PSMD10: variants seen among roughly 807,000 people sequenced by gnomAD.
The protein encoded by PSMD10 is 26S proteasome non-ATPase regulatory subunit 10.
In PSMD10, 2 loss-of-function variants were observed where a neutral mutation model predicts 13.2. The observed-to-expected ratio is 0.15, with a 90% CI of 0.06 to 0.48. The LOEUF is 0.48. Among genes scored for constraint, PSMD10 ranks in the 20% least tolerant of loss-of-function variants. The pLI is 0.97. For missense variants in PSMD10, 120 were observed against 167.4 expected, an observed-to-expected ratio of 0.72 and a Z score of 1.56; for synonymous variants, 66 against 64.4, an observed-to-expected ratio of 1.03 and a Z score of -0.12.
chrX:108,091,259 C>T lies in PSMD10; in HGVS notation c.114+148G>A, dbSNP rs765513702. 2.0e-5 allele frequency: 10 copies of T among 506,850 alleles called. No individual in the cohort carries two copies. The South Asian group carries it at 3.0e-4, about 15-fold the overall frequency. The allele number at this position is 506,850 out of a possible 1,213,427, so 41.8% of individuals were successfully genotyped here. A position where few individuals can be genotyped will look rare whatever the true frequency, so the allele number is the denominator to read the frequency against. On this transcript the variant is annotated intron_variant, in intron 1 of 4. Coordinates refer to ENST00000217958, the MANE Select transcript of PSMD10 (RefSeq NM_002814.4). Reference sequence around the variant, plus strand: ...TAGCTCCCGCAGGCCTATCGCGAGTCCCGAGGTGACCCAGGGGGACTGCTT... The same window carrying T: ...TAGCTCCCGCAGGCCTATCGCGAGTTCCGAGGTGACCCAGGGGGACTGCTT...
intron 1 of PSMD10, among the ~76,000 whole-genome samples, chrX:108,090,031 T>TA (rs1386381103): frequency 8.9e-6 from 1 of 112,008 alleles, no homozygotes; most frequent in African/African-American, 3.2e-5. Flanking sequence ...GCCTACTGCT[T>TA]AGATTTAACA....
At chrX:108,085,272 G>A in intron 4 of PSMD10, 145 bp from the exon 5 acceptor site, 1 of 569,692 alleles carries the variant, frequency 1.8e-6, no homozygotes, top group Non-Finnish European at 2.6e-6. Flanking sequence ...ACATCAGTTT[G>A]CATAGGGAGA....
chrX:108,088,679 G>C, intron 2 of PSMD10, 73 bp downstream of exon 2: 1 of 842,881 alleles, frequency 1.2e-6, no homozygotes, highest in Non-Finnish European at 1.7e-6. Context: ...TAATGCACAG[G>C]CTTCAGTAAA....
At chrX:108,089,769 G>A (rs928080764) in intron 1 of PSMD10, among the ~76,000 whole-genome samples, 6 of 111,167 alleles carry the variant, frequency 5.4e-5, no homozygotes, top group Non-Finnish European at 1.1e-4. Context: ...GGAGGCAGAG[G>A]TTGCAGTGAG....
At chrX:108,089,297 C>T (rs1408679462) in intron 1 of PSMD10, among the ~76,000 whole-genome samples, 1 of 111,251 alleles carries the variant, frequency 9.0e-6, no homozygotes, top group Non-Finnish European at 1.9e-5. Context: ...AACTTGTGGA[C>T]GGTCATATGG....
rs1464119171 is a variant in PSMD10, at chrX:108,087,822, T to C, written c.391A>G (p.Asn131Asp). The stretch of plus-strand genomic sequence containing the variant: ...TCATAATGGTCCTTAGCATCTGGAT[T>C]AGCCCCGCCTTCCAGTAACATGACA... ...IAVMLLEGGA[N>D]PDAKDHYEAT... Residue 131 changes from asparagine to aspartate, a missense_variant, in exon 4 of 5, where the codon AAT (asparagine) becomes GAT (aspartate). By Grantham distance (23) the Asn-to-Asp change is conservative (BLOSUM62 1). Transcript: ENST00000217958. 1.7e-6 allele frequency: 2 copies of C among 1,211,523 alleles called. No homozygotes were observed. Among genetic ancestry groups the C allele is most frequent in the Middle Eastern group, 2.3e-4 (1 of 4,352 alleles).
At position 108,084,878 on chromosome X, in the gene PSMD10, A is replaced by G; in HGVS notation, c.*96T>C. ...AAGACTTTGAAGGTGAGAAAACTTC[A>G]TCATTCATAGATGATGTCTTGTGCA... On this transcript the variant is annotated 3_prime_UTR_variant, in exon 5 of 5. Transcript: ENST00000217958. 2 of 967,589 alleles carry G rather than the reference A, an allele frequency of 2.1e-6. No homozygotes were observed. The highest frequency in any genetic ancestry group is 2.7e-6 in the Non-Finnish European group (2 of 730,645). 79.7% of individuals were successfully genotyped at this position (967,589 alleles called of 1,213,427 possible). A position where few individuals can be genotyped will look rare whatever the true frequency, so the allele number is the denominator to read the frequency against.
intron 1 of PSMD10, among the ~76,000 whole-genome samples, chrX:108,089,250 T>A (rs779974887): frequency 9.0e-6 from 1 of 111,630 alleles, no homozygotes; most frequent in Non-Finnish European, 1.9e-5. Context: ...TTATCTCCAT[T>A]TTTCAGATGA....
chrX:108,087,375 G>C, intron 4 of PSMD10: 2 of 184,893 alleles, frequency 1.1e-5, no homozygotes, highest in Non-Finnish European at 2.0e-5. Context: ...CTTATACTAT[G>C]AGGTGAAAAG....
At chrX:108,088,528 T>C (rs1399202469) in intron 2 of PSMD10, 11 of 369,229 alleles carry the variant, frequency 3.0e-5, no homozygotes, top group Non-Finnish European at 5.3e-5. Flanking sequence ...CCTCAGCCTC[T>C]CCTGTATGTT....
intron 1 of PSMD10, among the ~76,000 whole-genome samples, chrX:108,090,819 T>C (rs2031589869): frequency 8.9e-6 from 1 of 112,740 alleles, no homozygotes; most frequent in East Asian, 2.8e-4. Flanking sequence ...GAAATCCCAC[T>C]CATGCTTCAA....
intron 1 of PSMD10, among the ~76,000 whole-genome samples, chrX:108,089,065 G>T (rs772188412): frequency 8.9e-6 from 1 of 112,350 alleles, no homozygotes; most frequent in Admixed American, 9.4e-5. Context: ...ACGTAATTCT[G>T]GGCAGAATAC....
At chrX:108,090,195 T>G (rs1292483674) in intron 1 of PSMD10, among the ~76,000 whole-genome samples, 1 of 112,384 alleles carries the variant, frequency 8.9e-6, no homozygotes, top group African/African-American at 3.2e-5. Flanking sequence ...TTACACTTAC[T>G]AAAATTAACA....
chrX:108,088,495 A>G (rs2031525669), intron 2 of PSMD10: 2 of 344,259 alleles, frequency 5.8e-6, no homozygotes, highest in Admixed American at 1.0e-4. Context: ...GCCTCAAACT[A>G]CTAGGCTGGA....
At chrX:108,088,723 T>C (rs1177145737) in intron 2 of PSMD10, 29 bp downstream of exon 2, 2 of 1,120,431 alleles carry the variant, frequency 1.8e-6, no homozygotes, top group Admixed American at 4.4e-5. Flanking sequence ...ACTGGGAATT[T>C]ATCAACTCAA....
rs369152539 is a variant in PSMD10, at chrX:108,091,389, G to C, written c.114+18C>G. The C allele has an allele frequency of 7.5e-6, 9 of 1,197,678 alleles. No individual in the cohort carries two copies. The highest frequency in any genetic ancestry group is 1.0e-5 in the Non-Finnish European group (9 of 882,328). On this transcript the variant is annotated intron_variant, in intron 1 of 4. Transcript: ENST00000217958. ...TCGCCGACGTCGCCGACTGCGGAGA[G>C]ACCTAGCGTTGCTTTACCTGGTCAG...
rs182969332 is a variant in PSMD10 at position 108,088,591 on chromosome X, A to T, written c.213+161T>A. The T allele has an allele frequency of 3.3e-5, 15 of 452,780 alleles. No homozygotes were observed. The African/African-American group carries it at 3.4e-4, about 10-fold the overall frequency. 37.3% of individuals were successfully genotyped at this position (452,780 alleles called of 1,213,427 possible). The stretch of plus-strand genomic sequence containing the variant: ...AAACATAACATTGTAAAATAATGCA[A>T]CCATGAGTCTCATGCTTGATCACAA... On this transcript the variant is annotated intron_variant, in intron 2 of 4. Coordinates refer to ENST00000217958, the MANE Select transcript of PSMD10 (RefSeq NM_002814.4).
Position 108,091,363 on chromosome X carries a change from T to G in PSMD10, c.114+44A>C, listed in dbSNP as rs767732426. On this transcript the variant is annotated intron_variant, in intron 1 of 4. Coordinates refer to ENST00000217958, the MANE Select transcript of PSMD10 (RefSeq NM_002814.4). ...CCGGGCCCCGAAAGCCACGTAGGGC[T>G]TCGCCGACGTCGCCGACTGCGGAGA... is the stretch of plus-strand genomic sequence containing the variant. The G allele has an allele frequency of 5.2e-6, 6 of 1,157,048 alleles. No individual in the cohort carries two copies. In the Admixed American group the frequency reaches 6.5e-5, roughly 13 times the overall value.
intron 1 of PSMD10, among the ~76,000 whole-genome samples, chrX:108,090,371 CCT>C (rs1295811887): frequency 8.9e-6 from 1 of 111,778 alleles, no homozygotes; most frequent in Non-Finnish European, 1.9e-5. Flanking sequence ...AGTTCCTTTC[CCT>C]TTTTAAGCCA....
Sources: gnomAD v4.1 joint callset for allele counts (sites outside exome capture counted in the v4.1 genomes callset) on GRCh38, gnomAD v4.1.1 for gene constraint, MANE v1.5 for transcripts, NCBI Gene and HGNC (gene_info 2026-07-23, HGNC 2026-07-21) for gene names.